Variants in APBA2 observed in about 807,000 individuals in gnomAD.
The protein encoded by APBA2 is amyloid-beta A4 precursor protein-binding family A member 2.
APBA2 carries 30 observed loss-of-function variants against 75.0 expected under a neutral mutation model. The ratio of observed to expected loss-of-function variants is 0.40; its 90% CI spans 0.30 to 0.54. The LOEUF (loss-of-function observed/expected upper bound fraction) is 0.54, where lower values mean the gene tolerates loss of function less well. Ranked by LOEUF, APBA2 falls within the 20% of genes least tolerant of loss-of-function variation. The pLI is 0.49. For missense variants in APBA2, 801 were observed against 1,016.1 expected (o/e 0.79, Z 2.88); for synonymous variants, 444 against 409.6 (o/e 1.08, Z -1.01).
chr15:29,032,888 C>T (rs541963722), intron 3 of APBA2, among the ~76,000 whole-genome samples: 20 of 152,316 alleles, frequency 1.3e-4, no homozygotes, highest in Non-Finnish European at 2.1e-4. Context: ...ACACAGAAGG[C>T]GGACAGTACA....
chr15:28,951,863 G>A (rs1232710979), intron 2 of APBA2, among the ~76,000 whole-genome samples: 30 of 4,932 alleles, frequency 6.1e-3, no homozygotes, highest in African/African-American at 0.016. Context: ...TTACAGGCGT[G>A]AGCCCACTGC....
At chr15:28,886,834 G>T (rs2031771123) in intron 1 of APBA2, among the ~76,000 whole-genome samples, 1 of 152,196 alleles carries the variant, frequency 6.6e-6, no homozygotes, top group Admixed American at 6.5e-5. Flanking sequence ...CTGGGCTGCA[G>T]GTGCCCGGTT....
chr15:28,908,305 T>C (rs1013396672), intron 1 of APBA2, among the ~76,000 whole-genome samples: 3 of 149,768 alleles, frequency 2.0e-5, no homozygotes, highest in Non-Finnish European at 4.4e-5. Flanking sequence ...TTTGTTTGTT[T>C]TGTTTTCTTG....
At chr15:28,889,623 C>A (rs563308217) in intron 1 of APBA2, among the ~76,000 whole-genome samples, 44 of 152,290 alleles carry the variant, frequency 2.9e-4, no homozygotes, top group Non-Finnish European at 3.4e-4. Context: ...CACCTGTCAT[C>A]TTGGCGCATG....
intron 1 of APBA2, among the ~76,000 whole-genome samples, chr15:28,897,007 T>C (rs2032531192): frequency 6.6e-6 from 1 of 152,194 alleles, no homozygotes; most frequent in African/African-American, 2.4e-5. Context: ...TCATGTCACC[T>C]GATTGCTTGG....
At chr15:28,930,112 C>T (rs1412315123) in intron 2 of APBA2, among the ~76,000 whole-genome samples, 1 of 152,206 alleles carries the variant, frequency 6.6e-6, no homozygotes, top group Non-Finnish European at 1.5e-5. Context: ...TCTCCCGTCC[C>T]TCCCTGACAG....
chr15:28,967,874 A>G (rs918807169), intron 2 of APBA2, among the ~76,000 whole-genome samples: 7 of 152,212 alleles, frequency 4.6e-5, no homozygotes, highest in African/African-American at 1.7e-4. Context: ...TTGTCCAGCT[A>G]TCACCACCAC....
intron 4 of APBA2, among the ~76,000 whole-genome samples, chr15:29,061,087 C>T (rs1243251685): frequency 6.6e-6 from 1 of 152,158 alleles, no homozygotes; most frequent in Non-Finnish European, 1.5e-5. Context: ...ACCATAAGAG[C>T]GTTTGTCCAG....
At chr15:28,996,830 C>T (rs908223473) in intron 3 of APBA2, among the ~76,000 whole-genome samples, 1 of 152,004 alleles carries the variant, frequency 6.6e-6, no homozygotes, top group Non-Finnish European at 1.5e-5. Context: ...CTTGGGAACA[C>T]CCCCCCTGCC....
chr15:29,017,344 A>G (rs955173126), intron 3 of APBA2, among the ~76,000 whole-genome samples: 6 of 138,180 alleles, frequency 4.3e-5, no homozygotes, highest in Non-Finnish European at 8.0e-5. Flanking sequence ...TATTCATTCT[A>G]TCTTTGAAGT....
At position 29,017,490 on chromosome 15, in the gene APBA2, G is replaced by T. The variant is rs577128174; in HGVS notation, c.-41+21684G>T. 2.1e-5 allele frequency among the ~76,000 whole-genome samples: 3 copies of T among 139,564 alleles called. No individual in the cohort carries two copies. In the South Asian group the frequency reaches 6.9e-4, roughly 32 times the overall value. 91.6% of individuals were successfully genotyped at this position (139,564 alleles called of 152,430 possible). On this transcript the variant is annotated intron_variant, in intron 3 of 14. Coordinates refer to ENST00000683413, the MANE Select transcript of APBA2 (RefSeq NM_001353788.2). ...GTTCAAGCAATTCTCCTGCCTCAGC[G>T]TCCAGAGTAGCTGGGATTACAGGAG...
chr15:29,023,086 C>T (rs559086151), intron 3 of APBA2, among the ~76,000 whole-genome samples: 4 of 152,198 alleles, frequency 2.6e-5, no homozygotes, highest in African/African-American at 4.8e-5. Flanking sequence ...ATAATTCGTC[C>T]GTTGATTCTC....
rs914512036 is a variant in APBA2 at position 29,117,219 on chromosome 15, C to T, written c.*86C>T. 1.4e-5 allele frequency: 18 copies of T among 1,281,532 alleles called. No homozygotes were observed. Among genetic ancestry groups the T allele is most frequent in the Non-Finnish European group, 2.0e-5 (18 of 882,874 alleles). The allele number at this position is 1,281,532 out of a possible 1,614,324, so 79.4% of individuals were successfully genotyped here. ...CTGGGAGCCGGGCCGCAGACTTGAC[C>T]CCGACGCCACAGCCCAGCCACGGAC... On this transcript the variant is annotated 3_prime_UTR_variant, in exon 15 of 15. Transcript: ENST00000683413.
rs1046281800 is a variant in APBA2, at chr15:29,106,960, T to C, written c.1917+141T>C. 5.1e-5 allele frequency: 37 copies of C among 732,170 alleles called. No homozygotes were observed. The African/African-American group carries it at 5.8e-4, about 11-fold the overall frequency. The allele number at this position is 732,170 out of a possible 1,614,324, so 45.4% of individuals were successfully genotyped here. ...GGCCCAGGGAGACCCACCCGGTGAC[T>C]GGTCGATGATGGTATCAGAATTTGA... On this transcript the variant is annotated intron_variant, in intron 12 of 14. Coordinates refer to ENST00000683413, the MANE Select transcript of APBA2 (RefSeq NM_001353788.2).
intron 1 of APBA2, among the ~76,000 whole-genome samples, chr15:28,912,251 C>T (rs2152651980): frequency 6.6e-6 from 1 of 152,284 alleles, no homozygotes; most frequent in Non-Finnish European, 1.5e-5. Flanking sequence ...ATGTAAGAGT[C>T]AGGCCATTTC....
intron 1 of APBA2, among the ~76,000 whole-genome samples, chr15:28,909,630 C>G (rs570541467): frequency 6.6e-6 from 1 of 152,164 alleles, no homozygotes; most frequent in African/African-American, 2.4e-5. Flanking sequence ...CATCCTGCAT[C>G]GAGCTGGATG....
At chr15:29,070,292 G>T (rs1379405725) in intron 4 of APBA2, among the ~76,000 whole-genome samples, 1 of 152,218 alleles carries the variant, frequency 6.6e-6, no homozygotes, top group East Asian at 1.9e-4. Flanking sequence ...ATTTCAGGTA[G>T]ATAGCGAATA....
intron 8 of APBA2, among the ~76,000 whole-genome samples, chr15:29,095,694 C>T (rs1428658569): frequency 2.0e-5 from 3 of 152,256 alleles, no homozygotes; most frequent in Non-Finnish European, 4.4e-5. Context: ...CATGTGGGGA[C>T]TCCCTCTTCT....
rs564317534 is a variant in APBA2, at chr15:28,898,234, A to G, written c.-205+11956A>G. 2.0e-5 allele frequency among the ~76,000 whole-genome samples: 3 copies of G among 152,320 alleles called. No homozygotes were observed. In the East Asian group the frequency reaches 5.8e-4, roughly 29 times the overall value. ...TTTTCAGCCACCCAGTTTTGTGGTC[A>G]TTTGTCACAGCAACCGTTGGAAATG... On this transcript the variant is annotated intron_variant, in intron 1 of 14. Coordinates refer to ENST00000683413, the MANE Select transcript of APBA2 (RefSeq NM_001353788.2).
Sources: allele counts gnomAD v4.1 joint callset (sites outside exome capture counted in the v4.1 genomes callset), GRCh38; gene constraint gnomAD v4.1.1; transcripts MANE v1.5; gene names NCBI Gene and HGNC (gene_info 2026-07-23, HGNC 2026-07-21).